Variants in USP44 observed in about 807,000 individuals in gnomAD.
USP44 encodes ubiquitin carboxyl-terminal hydrolase 44.
In USP44, 61 loss-of-function variants were observed where a neutral mutation model predicts 69.0. The ratio of observed to expected loss-of-function variants is 0.88; its 90% confidence interval spans 0.72 to 1.09. USP44 has a LOEUF of 1.09. Among genes scored for constraint, USP44 ranks in the 50% least tolerant of loss-of-function variants. The pLI is 0.00. For missense variants in USP44, 753 were observed against 849.9 expected, an observed-to-expected ratio of 0.89 and a Z score of 1.42; for synonymous variants, 297 against 295.4, an observed-to-expected ratio of 1.01 and a Z score of -0.06.
chr12:95,528,718 A>G, intron 3 of USP44, 89 bp downstream of exon 3: 2 of 1,360,430 alleles, frequency 1.5e-6, no homozygotes, highest in Non-Finnish European at 2.0e-6. Flanking sequence ...CATTTTCATA[A>G]CTGCTAAAGA....
chr12:95,526,270 A>AT (rs2076829713), intron 3 of USP44, among the ~76,000 whole-genome samples: 1 of 152,126 alleles, frequency 6.6e-6, no homozygotes, highest in Non-Finnish European at 1.5e-5. Flanking sequence ...ACAAAGATTT[A>AT]TTTTTTAAAA....
At chr12:95,550,262 T>G (rs2077702204) in intron 1 of USP44, among the ~76,000 whole-genome samples, 1 of 150,422 alleles carries the variant, frequency 6.6e-6, no homozygotes, top group African/African-American at 2.4e-5. Context: ...ATAGCAACAA[T>G]GTCTAATCAA....
In USP44 at chr12:95,533,161, T is replaced by C. The variant is rs2077078609; in HGVS notation, c.1096A>G (p.Met366Val). Residue 366 changes from methionine to valine, a missense_variant, in exon 2 of 6, where the codon ATG (methionine) becomes GTG (valine). Met to Val is a conservative substitution (Grantham distance 21). Coordinates refer to ENST00000258499, the MANE Select transcript of USP44 (RefSeq NM_032147.5). ...GGCTCCTTTGGCTGAATAAGTTCCATCTTTCTACCTTTTGATGCTCCACCA... is the reference window on the plus strand; with the variant it reads ...GGCTCCTTTGGCTGAATAAGTTCCACCTTTCTACCTTTTGATGCTCCACCA... Reference protein sequence around the residue: ...LSGGASKGRKMELIQPKEPTS... With the variant: ...LSGGASKGRKVELIQPKEPTS... The C allele has an allele frequency of 1.9e-6, 3 of 1,614,100 alleles. No homozygotes were observed. Among genetic ancestry groups the C allele is most frequent in the African/African-American group, 1.3e-5 (1 of 74,932 alleles).
At chr12:95,526,757 A>C (rs1254349783) in intron 3 of USP44, among the ~76,000 whole-genome samples, 1 of 152,110 alleles carries the variant, frequency 6.6e-6, no homozygotes, top group African/African-American at 2.4e-5. Context: ...CTTAGAATCT[A>C]TTTGCGAGAT....
chr12:95,533,523 A>G lies in USP44; in HGVS notation c.734T>C (p.Val245Ala). 1 of 1,613,940 alleles carries G rather than the reference A, an allele frequency of 6.2e-7. No individual in the cohort carries two copies. The highest frequency in any genetic ancestry group is 8.5e-7 in the Non-Finnish European group (1 of 1,179,958). Residue 245 changes from valine (V) to alanine (A), a missense_variant, in exon 2 of 6, where the codon GTA becomes GCA. By Grantham distance (64) the Val-to-Ala change is moderately conservative. Coordinates refer to ENST00000258499, the MANE Select transcript of USP44 (RefSeq NM_032147.5). Reference sequence around the variant, plus strand: ...TATTTCATTTTCTGAGGTAGAGAGTACTTTATCTTTTGCTGGTGATGCTGG... The same window carrying G: ...TATTTCATTTTCTGAGGTAGAGAGTGCTTTATCTTTTGCTGGTGATGCTGG... ...QTPASPAKDK[V>A]LSTSENEISQ...
Position 95,547,693 on chromosome 12 carries a change from C to G in USP44, c.-71+3579G>C, listed in dbSNP as rs1264461339. On this transcript the variant is annotated intron_variant, in intron 1 of 5. Transcript: ENST00000258499. ...TTCACCCCCACAGGCAGCTACTTAACAGATAAGGAATTCAAGTGCAGGACC... is the reference window on the plus strand; with the variant it reads ...TTCACCCCCACAGGCAGCTACTTAAGAGATAAGGAATTCAAGTGCAGGACC... 2.6e-5 allele frequency among the ~76,000 whole-genome samples: 4 copies of G among 152,162 alleles called. No homozygotes were observed. In the East Asian group the frequency reaches 7.7e-4, roughly 29 times the overall value.
At chr12:95,547,686 T>C (rs1021906504) in intron 1 of USP44, among the ~76,000 whole-genome samples, 26 of 152,212 alleles carry the variant, frequency 1.7e-4, no homozygotes, top group African/African-American at 6.0e-4. Flanking sequence ...CACAGGCAGC[T>C]ACTTAACAGA....
chr12:95,519,328 C>G (rs1400949562), intron 5 of USP44, among the ~76,000 whole-genome samples: 1 of 151,868 alleles, frequency 6.6e-6, no homozygotes, highest in Non-Finnish European at 1.5e-5. Flanking sequence ...CATGTCTAAA[C>G]CTGGGTCCCA....
At chr12:95,542,610 A>C (rs2077425382) in intron 1 of USP44, among the ~76,000 whole-genome samples, 3 of 152,032 alleles carry the variant, frequency 2.0e-5, no homozygotes, top group African/African-American at 7.2e-5. Context: ...AAAAATACAA[A>C]AATTAGCCGG....
In USP44 at chr12:95,518,120, T is replaced by G; in HGVS notation, c.*34A>C. 8 of 1,608,290 alleles carry G rather than the reference T, an allele frequency of 5.0e-6. No individual in the cohort carries two copies. The highest frequency in any genetic ancestry group is 6.0e-6 in the Non-Finnish European group (7 of 1,175,538). ...ATCAGTCTTTTAAAAAGTATATATA[T>G]AAATCACAGGAAGAAAACCCCATTG... On this transcript the variant is annotated 3_prime_UTR_variant, in exon 6 of 6. Transcript: ENST00000258499.
chr12:95,524,082 C>T (rs2076754670), intron 4 of USP44, among the ~76,000 whole-genome samples: 3 of 151,512 alleles, frequency 2.0e-5, no homozygotes, highest in Admixed American at 1.3e-4. Flanking sequence ...TATGTATGTA[C>T]GTACATATGT....
intron 3 of USP44, among the ~76,000 whole-genome samples, chr12:95,528,456 A>G (rs1298801958): frequency 6.6e-6 from 1 of 152,230 alleles, no homozygotes; most frequent in Non-Finnish European, 1.5e-5. Flanking sequence ...TTTGATATGT[A>G]GCCAAAAAAG....
intron 2 of USP44, 134 bp from the exon 3 acceptor site, chr12:95,529,136 T>C: frequency 1.3e-6 from 1 of 748,970 alleles, no homozygotes; most frequent in East Asian, 3.0e-5. Flanking sequence ...TAATCTGCTT[T>C]ATATTCTTGT....
chr12:95,519,134 A>G (rs1426733672), intron 5 of USP44, among the ~76,000 whole-genome samples: 2 of 152,232 alleles, frequency 1.3e-5, no homozygotes, highest in Non-Finnish European at 2.9e-5. Flanking sequence ...GCCAGGAATT[A>G]TGGTGATGCC....
intron 1 of USP44, chr12:95,546,771 C>T (rs1278743801): frequency 6.6e-6 from 1 of 152,094 alleles, no homozygotes; most frequent in Non-Finnish European, 1.5e-5. Context: ...CATTCAAAAC[C>T]CCAATTCAAC....
intron 4 of USP44, among the ~76,000 whole-genome samples, chr12:95,523,866 C>A (rs1026528334): frequency 2.0e-5 from 3 of 151,762 alleles, no homozygotes; most frequent in African/African-American, 7.3e-5. Context: ...TCACACCTGT[C>A]ATCTCAACAT....
At chr12:95,518,699 G>T (rs2076553722) in intron 5 of USP44, among the ~76,000 whole-genome samples, 1 of 152,176 alleles carries the variant, frequency 6.6e-6, no homozygotes, top group Non-Finnish European at 1.5e-5. Context: ...TAGCACTTTG[G>T]AAGGCCGAGG....
chr12:95,528,439 A>G (rs1339286217), intron 3 of USP44, among the ~76,000 whole-genome samples: 1 of 152,200 alleles, frequency 6.6e-6, no homozygotes, highest in African/African-American at 2.4e-5. Flanking sequence ...ATTTATCTAC[A>G]TATCACTTTG....
At chr12:95,537,998 T>C (rs2077262122) in intron 1 of USP44, among the ~76,000 whole-genome samples, 1 of 152,200 alleles carries the variant, frequency 6.6e-6, no homozygotes, top group East Asian at 1.9e-4. Context: ...AAAATCTATT[T>C]AGATAATAAC....
Sources: allele counts gnomAD v4.1 joint callset (sites outside exome capture counted in the v4.1 genomes callset), GRCh38; gene constraint gnomAD v4.1.1; transcripts MANE v1.5; gene names NCBI Gene and HGNC (gene_info 2026-07-23, HGNC 2026-07-21).